The following SLC36A1 variants were observed in gnomAD, a reference collection of about 807,000 sequenced individuals.
SLC36A1 encodes proton-coupled amino acid transporter 1.
In SLC36A1, 30 loss-of-function variants were observed where a neutral mutation model predicts 47.5. The observed-to-expected ratio is 0.63, with a 90% CI of 0.47 to 0.86. SLC36A1 has a LOEUF of 0.86. Ranked by LOEUF, SLC36A1 falls within the 40% of genes least tolerant of loss-of-function variation. SLC36A1 has a pLI of 0.00. For synonymous variants in SLC36A1, 255 were observed against 249.7 expected, an observed-to-expected ratio of 1.02 and a Z score of -0.20; for missense variants, 517 against 606.0, an observed-to-expected ratio of 0.85 and a Z score of 1.54.
At chr5:151,528,236 C>T in the SLC36A1 span, 46 of 1,394,710 alleles carry the variant, frequency 3.3e-5, no homozygotes, top group Non-Finnish European at 4.5e-5. Flanking sequence ...TGCCTTTGGG[C>T]TAGCAGTGCC....
chr5:151,467,304 G>GAAAAAA, intron 6 of SLC36A1, 21 bp downstream of exon 6: 10 of 807,264 alleles, frequency 1.2e-5, no homozygotes, highest in East Asian at 5.6e-5. Flanking sequence ...GGTTAAAAAA[G>GAAAAAA]AAAAAAAAAA....
At chr5:151,418,334 A>G in the SLC36A1 span, among the ~76,000 whole-genome samples, 31,506 of 152,154 alleles carry the variant, frequency 0.21, 3,575 homozygotes, top group East Asian at 0.41. Context: ...TTAATTGACA[A>G]CTTGCACTGT....
downstream of SLC36A1, among the ~76,000 whole-genome samples, chr5:151,495,755 T>C (rs930625152): frequency 6.6e-6 from 1 of 152,210 alleles, no homozygotes; most frequent in Non-Finnish European, 1.5e-5. Flanking sequence ...ATAATAATAA[T>C]TCAATAAATT....
At chr5:151,452,075 T>G (rs1003172680) in intron 1 of SLC36A1, among the ~76,000 whole-genome samples, 3 of 152,160 alleles carry the variant, frequency 2.0e-5, no homozygotes, top group Non-Finnish European at 4.4e-5. Context: ...GTGATCTTCA[T>G]GGTTGGGAGT....
At chr5:151,515,897 A>C in the SLC36A1 span, among the ~76,000 whole-genome samples, 1 of 152,194 alleles carries the variant, frequency 6.6e-6, no homozygotes, top group African/African-American at 2.4e-5. Flanking sequence ...TAATGCCTCC[A>C]TTTTGCTCAG....
chr5:151,521,133 C>T, the SLC36A1 span: 32 of 755,106 alleles, frequency 4.2e-5, no homozygotes, highest in Non-Finnish European at 5.7e-5. Context: ...GGCCACTAGC[C>T]GTCTTATGGT....
At chr5:151,468,179 G>A (rs1302682971) in intron 7 of SLC36A1, among the ~76,000 whole-genome samples, 1 of 145,324 alleles carries the variant, frequency 6.9e-6, no homozygotes, top group African/African-American at 2.6e-5. Flanking sequence ...TTGAACCTGG[G>A]AGGCGAAGGT....
rs571180301 is a variant in SLC36A1, at chr5:151,471,213, C to T, written c.724-2460C>T. 1.4e-4 allele frequency among the ~76,000 whole-genome samples: 21 copies of T among 152,254 alleles called. No homozygotes were observed. The East Asian group carries it at 3.3e-3, about 24-fold the overall frequency. On this transcript the variant is annotated intron_variant, in intron 7 of 10. Transcript: ENST00000243389. ...AACAGCGTTGAAGGAAGTGACTGTA[C>T]GTCATTTCACTTAAAGTCTCAGTTT...
intron 1 of SLC36A1, among the ~76,000 whole-genome samples, chr5:151,438,216 GC>G (rs1759888680): frequency 6.6e-6 from 1 of 152,182 alleles, no homozygotes; most frequent in Non-Finnish European, 1.5e-5. Flanking sequence ...TTCACTGTGT[GC>G]CCGTTGTTCT....
At chr5:151,455,084 G>T (rs1754293901) in intron 1 of SLC36A1, among the ~76,000 whole-genome samples, 1 of 152,010 alleles carries the variant, frequency 6.6e-6, no homozygotes, top group Admixed American at 6.6e-5. Context: ...ACATTATCTG[G>T]CAATTCTGAG....
At chr5:151,347,336 G>A in the SLC36A1 span, 1 of 1,614,210 alleles carries the variant, frequency 6.2e-7, no homozygotes, top group South Asian at 1.1e-5. Flanking sequence ...TGACTCTGAA[G>A]GACTTTCATC....
chr5:151,369,955 C>T, the SLC36A1 span, among the ~76,000 whole-genome samples: 16 of 152,020 alleles, frequency 1.1e-4, no homozygotes, highest in South Asian at 2.1e-4. Context: ...TCACCATGCC[C>T]GACTAATTTT....
the SLC36A1 span, among the ~76,000 whole-genome samples, chr5:151,408,737 G>C: frequency 7.5e-3 from 1,135 of 152,258 alleles, 21 homozygotes; most frequent in African/African-American, 0.026. Flanking sequence ...CAGAATTCTG[G>C]AGTCTGACGA....
chr5:151,372,871 C>T, the SLC36A1 span, among the ~76,000 whole-genome samples: 1 of 152,030 alleles, frequency 6.6e-6, no homozygotes, highest in Non-Finnish European at 1.5e-5. Flanking sequence ...AAAACTAGAA[C>T]ATCCAAGAGC....
the SLC36A1 span, among the ~76,000 whole-genome samples, chr5:151,389,628 A>G: frequency 1.5e-5 from 2 of 133,460 alleles, no homozygotes; most frequent in Admixed American, 9.0e-5. Context: ...CTTATTGTTC[A>G]ATTCCCACCA....
chr5:151,553,870 T>C, the SLC36A1 span, among the ~76,000 whole-genome samples: 1 of 152,226 alleles, frequency 6.6e-6, no homozygotes, highest in Non-Finnish European at 1.5e-5. Flanking sequence ...TAAGGCTCAG[T>C]GTGGTCGATT....
the SLC36A1 span, among the ~76,000 whole-genome samples, chr5:151,382,961 A>C: frequency 0.2 from 30,047 of 152,048 alleles, 3,254 homozygotes; most frequent in East Asian, 0.41. Context: ...ATATCTGAAA[A>C]CAGCATTAAA....
upstream of SLC36A1, among the ~76,000 whole-genome samples, chr5:151,434,502 C>A (rs1759654856): frequency 6.6e-6 from 1 of 151,888 alleles, no homozygotes; most frequent in Admixed American, 6.6e-5. Flanking sequence ...AGAACTAGAT[C>A]TGGGAAAGGT....
chr5:151,526,978 T>C, the SLC36A1 span, among the ~76,000 whole-genome samples: 3 of 152,228 alleles, frequency 2.0e-5, no homozygotes, highest in African/African-American at 7.2e-5. Context: ...ATCTTCTAAA[T>C]CTGTAAAATG....
Sources: allele counts gnomAD v4.1 joint callset (sites outside exome capture counted in the v4.1 genomes callset), GRCh38; gene constraint gnomAD v4.1.1; transcripts MANE v1.5; gene names NCBI Gene and HGNC (gene_info 2026-07-23, HGNC 2026-07-21).